SLC4A4: variants seen among roughly 807,000 people sequenced by gnomAD.
SLC4A4 encodes electrogenic sodium bicarbonate cotransporter 1.
Under a neutral mutation model 111.5 loss-of-function variants are expected in SLC4A4, and 27 were observed. The observed-to-expected ratio is 0.24, with a 90% confidence interval of 0.18 to 0.33. The LOEUF (loss-of-function observed/expected upper bound fraction) is 0.33. SLC4A4 is among the 10% of genes least tolerant of loss of function. The pLI is 1.00. For missense variants in SLC4A4, 909 were observed against 1,315.5 expected (o/e 0.69, Z 4.78); for synonymous variants, 443 against 463.4 (o/e 0.96, Z 0.57).
chr4:71,395,398 G>A (rs558345073), intron 6 of SLC4A4, among the ~76,000 whole-genome samples: 1 of 152,258 alleles, frequency 6.6e-6, no homozygotes, highest in East Asian at 1.9e-4. Flanking sequence ...AGAAAGTTAG[G>A]AGAGGAAACA....
In SLC4A4 at chr4:71,330,999, C is replaced by A. The variant is rs565521470; in HGVS notation, c.254-8371C>A. Among the ~76,000 whole-genome samples, 607 of 151,796 alleles carry A rather than the reference C, an allele frequency of 4.0e-3. 3 individuals carry two copies. The highest frequency in any genetic ancestry group is 0.012 in the African/African-American group (512 of 41,152). On this transcript the variant is annotated intron_variant, in intron 3 of 25. Transcript: ENST00000264485. ...GAAAAAATGCTCATCATCACTGGCC[C>A]TCAGAGAAATGCAAATCAAAACCAC... is the stretch of plus-strand genomic sequence containing the variant.
rs186974348 is a variant in SLC4A4 at position 71,181,085 on chromosome 4, A to T, written c.-1-55491A>T. On this transcript the variant is annotated intron_variant, in intron 2 of 26. Coordinates refer to the SLC4A4 transcript ENST00000649996. ...TTGTAGGGACATGGATGAAGCCGGA[A>T]ACCATCACTCTCAGCAAACTATCAC... Among the ~76,000 whole-genome samples the T allele has an allele frequency of 6.8e-4, 103 of 152,056 alleles. No individual in the cohort carries two copies. The East Asian group carries it at 0.018, about 27-fold the overall frequency.
chr4:71,347,103 A>G (rs181781877), intron 4 of SLC4A4, among the ~76,000 whole-genome samples: 32 of 152,282 alleles, frequency 2.1e-4, no homozygotes, highest in African/African-American at 7.0e-4. Flanking sequence ...GAGTAATACT[A>G]TTTCATAAAT....
intron 4 of SLC4A4, among the ~76,000 whole-genome samples, chr4:71,348,053 A>C (rs1198296332): frequency 1.3e-5 from 2 of 152,188 alleles, no homozygotes; most frequent in African/African-American, 4.8e-5. Flanking sequence ...AATATGATTC[A>C]TATGCCTATT....
At chr4:71,399,474 C>A (rs2148982381) in intron 7 of SLC4A4, among the ~76,000 whole-genome samples, 1 of 135,886 alleles carries the variant, frequency 7.4e-6, no homozygotes, top group African/African-American at 2.7e-5. Context: ...TTCCCCTCCC[C>A]TCCCCTCCCC....
intron 7 of SLC4A4, among the ~76,000 whole-genome samples, chr4:71,432,714 T>C (rs913733719): frequency 6.6e-6 from 1 of 152,004 alleles, no homozygotes; most frequent in African/African-American, 2.4e-5. Flanking sequence ...TTTCTTCTTA[T>C]ATGAAGTATC....
chr4:71,163,833 T>A (rs184367070), intron 2 of SLC4A4, among the ~76,000 whole-genome samples: 1 of 152,228 alleles, frequency 6.6e-6, no homozygotes, highest in Non-Finnish European at 1.5e-5. Context: ...ACATTTACTA[T>A]CTGACTCTTT....
rs529014095 is a variant in SLC4A4, at chr4:71,490,822, A to G, written c.1974+3804A>G. Reference sequence around the variant, plus strand: ...ATTCTGCTCTGTCACCCCAGTCTGCATGTAGCCATTAAAAATTCGTTAAAT... The same window carrying G: ...ATTCTGCTCTGTCACCCCAGTCTGCGTGTAGCCATTAAAAATTCGTTAAAT... On this transcript the variant is annotated intron_variant, in intron 15 of 25. Coordinates refer to ENST00000264485, the MANE Select transcript of SLC4A4 (RefSeq NM_001098484.3). Among the ~76,000 whole-genome samples the G allele has an allele frequency of 2.0e-5, 3 of 151,938 alleles. No homozygotes were observed. The South Asian group carries it at 6.2e-4, about 31-fold the overall frequency.
chr4:71,429,635 A>G (rs1003106134), intron 7 of SLC4A4, among the ~76,000 whole-genome samples: 6 of 152,152 alleles, frequency 3.9e-5, no homozygotes, highest in African/African-American at 7.2e-5. Context: ...GAATAATTGT[A>G]GTACCACAAG....
At chr4:71,466,931 A>AAGAGAGAGAGAGAGAGAGAGAG (rs61128918) in intron 13 of SLC4A4, among the ~76,000 whole-genome samples, 28 of 94,808 alleles carry the variant, frequency 3.0e-4, no homozygotes, top group South Asian at 1.0e-3. Context: ...ACAAGACGGG[A>AAGAGAGAGAGAGAGAGAGAGAG]AGAGAGAGAG....
Position 71,451,421 on chromosome 4 carries a change from T to C in SLC4A4, c.1322+120T>C. 4.1e-6 allele frequency: 3 copies of C among 737,988 alleles called. No individual in the cohort carries two copies. The South Asian group carries it at 4.4e-5, about 11-fold the overall frequency. The allele number at this position is 737,988 out of a possible 1,614,324, so 45.7% of individuals were successfully genotyped here. On this transcript the variant is annotated intron_variant, in intron 11 of 25. Coordinates refer to ENST00000264485, the MANE Select transcript of SLC4A4 (RefSeq NM_001098484.3). Reference sequence around the variant, plus strand: ...CTGTTCAGCCAACAAATATTTATGGTATACCTATTTGTCACAGGCACTGGG... The same window carrying C: ...CTGTTCAGCCAACAAATATTTATGGCATACCTATTTGTCACAGGCACTGGG...
intron 2 of SLC4A4, among the ~76,000 whole-genome samples, chr4:71,103,254 C>A (rs1027341970): frequency 2.0e-5 from 3 of 151,284 alleles, no homozygotes; most frequent in Admixed American, 1.3e-4. Flanking sequence ...AATACAGGAG[C>A]ACCCAGATTC....
In SLC4A4 at chr4:71,144,268, A is replaced by G. The variant is rs1744100583; in HGVS notation, c.-2+51476A>G. Among the ~76,000 whole-genome samples, 2 of 152,026 alleles carry G rather than the reference A, an allele frequency of 1.3e-5. 1 individual carries two copies. The highest frequency in any genetic ancestry group is 1.3e-4 in the Admixed American group (2 of 15,254). On this transcript the variant is annotated intron_variant, in intron 2 of 26. Transcript: ENST00000649996. ...GATCAGATAGTTGTAGATATGCGGC[A>G]TTATTTCTGAGGGCTCTGTTCTGTT...
chr4:71,476,171 T>TC (rs1159218339), intron 14 of SLC4A4, among the ~76,000 whole-genome samples: 2 of 151,832 alleles, frequency 1.3e-5, no homozygotes. Flanking sequence ...ATTGTGTATC[T>TC]CCCCCATAAC....
At chr4:71,434,058 C>T (rs765543481) in intron 7 of SLC4A4, among the ~76,000 whole-genome samples, 2 of 151,846 alleles carry the variant, frequency 1.3e-5, no homozygotes, top group Non-Finnish European at 2.9e-5. Flanking sequence ...CATGTGTATG[C>T]CCATACACAT....
chr4:71,531,522 C>G (rs1733913110), intron 16 of SLC4A4, among the ~76,000 whole-genome samples: 1 of 152,072 alleles, frequency 6.6e-6, no homozygotes, highest in Admixed American at 6.6e-5. Context: ...ACAGAAACTT[C>G]TAAGCCCTCC....
chr4:71,247,839 T>C (rs569351165), intron 2 of SLC4A4, among the ~76,000 whole-genome samples: 44 of 152,072 alleles, frequency 2.9e-4, no homozygotes, highest in Non-Finnish European at 5.7e-4. Context: ...GGGTGGCTTC[T>C]GCTCACTCTG....
intron 18 of SLC4A4, among the ~76,000 whole-genome samples, 192 bp from the exon 19 acceptor site, chr4:71,546,158 A>G (rs1735501988): frequency 2.0e-5 from 3 of 152,192 alleles, no homozygotes; most frequent in Admixed American, 6.5e-5. Context: ...CATAGCAGCT[A>G]TAAGATGCAG....
At chr4:71,447,179 C>T (rs1725316858) in intron 8 of SLC4A4, among the ~76,000 whole-genome samples, 1 of 152,142 alleles carries the variant, frequency 6.6e-6, no homozygotes, top group Non-Finnish European at 1.5e-5. Context: ...TCTGAGTAGA[C>T]ATATTTCTTA....
Sources: allele counts gnomAD v4.1 joint callset (sites outside exome capture counted in the v4.1 genomes callset), GRCh38; gene constraint gnomAD v4.1.1; transcripts MANE v1.5; gene names NCBI Gene and HGNC (gene_info 2026-07-23, HGNC 2026-07-21).